CDH23: variants seen among roughly 807,000 people sequenced by gnomAD.
The protein encoded by CDH23 is cadherin-23.
A neutral mutation model predicts 317.1 loss-of-function variants in CDH23; 189 were observed. That is an observed-to-expected ratio of 0.60 (90% confidence interval 0.53 to 0.67). CDH23 has a LOEUF of 0.67. Among genes scored for constraint, CDH23 ranks in the 30% least tolerant of loss-of-function variants. The probability of loss-of-function intolerance (pLI) is 0.00; values close to 1 mark genes in which losing one functional copy is unlikely to be tolerated. For missense variants in CDH23, 4,401 were observed against 4,592.4 expected, an observed-to-expected ratio of 0.96 and a Z score of 1.20; for synonymous variants, 1,839 against 1,876.8, an observed-to-expected ratio of 0.98 and a Z score of 0.52.
intron 19 of CDH23, 101 bp downstream of exon 19, chr10:71,687,820 G>A (rs1864970888): frequency 1.8e-6 from 2 of 1,095,364 alleles, no homozygotes; most frequent in African/African-American, 1.6e-5. Flanking sequence ...CAAATTGTGG[G>A]AGGTCCATGG....
Position 71,712,424 on chromosome 10 carries a change from C to T in CDH23, c.3221-241C>T, listed in dbSNP as rs776670068. On this transcript the variant is annotated intron_variant, in intron 27 of 69. Coordinates refer to ENST00000224721, the MANE Select transcript of CDH23 (RefSeq NM_022124.6). The stretch of plus-strand genomic sequence containing the variant: ...GGGGATGACAGTAAAGTGTCTGCTT[C>T]ATGGGGTTGCTGTGAGGACTGAATG... 1.9e-4 allele frequency: 91 copies of T among 488,616 alleles called. 2 individuals are homozygous for T. The Middle Eastern group carries it at 6.5e-3, about 35-fold the overall frequency. The allele number at this position is 488,616 out of a possible 1,614,324, so 30.3% of individuals were successfully genotyped here. A position where few individuals can be genotyped will look rare whatever the true frequency, so the allele number is the denominator to read the frequency against.
intron 28 of CDH23, chr10:71,716,273 G>T: frequency 6.5e-7 from 1 of 1,536,878 alleles, no homozygotes; most frequent in Non-Finnish European, 8.8e-7. Flanking sequence ...AGTGACGGGA[G>T]CTGAGAGAAA....
chr10:71,790,855 C>A lies in CDH23; in HGVS notation c.6050-277C>A, dbSNP rs1215929906. On this transcript the variant is annotated intron_variant, in intron 46 of 69. Coordinates refer to ENST00000224721, the MANE Select transcript of CDH23 (RefSeq NM_022124.6). ...CACATCTGTCAACAGAGACGGTCAACCCTGTGCCCTGGGTCACTCTTCCCA... is the reference window on the plus strand; with the variant it reads ...CACATCTGTCAACAGAGACGGTCAAACCTGTGCCCTGGGTCACTCTTCCCA... 16 of 540,552 alleles carry A rather than the reference C, an allele frequency of 3.0e-5. No individual in the cohort carries two copies. In the East Asian group the frequency reaches 4.1e-4, roughly 14 times the overall value. 33.5% of individuals were successfully genotyped at this position (540,552 alleles called of 1,614,324 possible).
Position 71,778,384 on chromosome 10 carries a change from G to A in CDH23, c.5187+76G>A, listed in dbSNP as rs528455569. ...TGGGACCCAGAAAGCTCCGATGCGG[G>A]AAGGGGTTAGGGGAAGATTGTCTGA... On this transcript the variant is annotated intron_variant, in intron 40 of 69. Transcript: ENST00000224721. 5.3e-5 allele frequency: 84 copies of A among 1,573,172 alleles called. 1 individual carries two copies. In the South Asian group the frequency reaches 7.2e-4, roughly 14 times the overall value.
chr10:71,636,307 C>G (rs1376472615), intron 11 of CDH23, among the ~76,000 whole-genome samples: 1 of 152,044 alleles, frequency 6.6e-6, no homozygotes, highest in African/African-American at 2.4e-5. Context: ...ATGGCTTGAG[C>G]CCAGGAGTTC....
intron 22 of CDH23, among the ~76,000 whole-genome samples, chr10:71,700,447 A>G (rs529417023): frequency 1.3e-5 from 2 of 152,348 alleles, no homozygotes; most frequent in South Asian, 4.1e-4. Context: ...AACACAAGGA[A>G]TGCTGGTCTT....
chr10:71,724,027 T>A lies in CDH23; in HGVS notation c.3370-18T>A. Reference sequence around the variant, plus strand: ...TGGGTGGCATTCAAGAAGTAACTCGTGTCTCATTCTTCCTCAGCTGAAAGC... The same window carrying A: ...TGGGTGGCATTCAAGAAGTAACTCGAGTCTCATTCTTCCTCAGCTGAAAGC... On this transcript the variant is annotated intron_variant, in intron 28 of 69. Coordinates refer to ENST00000224721, the MANE Select transcript of CDH23 (RefSeq NM_022124.6). The A allele has an allele frequency of 6.4e-7, 1 of 1,554,536 alleles. No homozygotes were observed. Among genetic ancestry groups the A allele is most frequent in the Middle Eastern group, 1.7e-4 (1 of 5,996 alleles).
intron 9 of CDH23, among the ~76,000 whole-genome samples, chr10:71,593,779 A>G (rs973601725): frequency 1.3e-5 from 2 of 152,168 alleles, no homozygotes; most frequent in African/African-American, 4.8e-5. Flanking sequence ...CAGGAGCCAA[A>G]TCCTCCCTGT....
intron 18 of CDH23, among the ~76,000 whole-genome samples, chr10:71,686,455 G>T (rs1236834): frequency 0.48 from 73,588 of 151,760 alleles, 18,659 homozygotes; most frequent in South Asian, 0.63. Flanking sequence ...GATCACTCCT[G>T]TCTGGGCACC....
chr10:71,457,559 A>G (rs113817380), intron 3 of CDH23, among the ~76,000 whole-genome samples: 1,984 of 152,278 alleles, frequency 0.013, 43 homozygotes, highest in African/African-American at 0.045. Flanking sequence ...CCAAGGGTCC[A>G]CATGGGGCAG....
intron 9 of CDH23, among the ~76,000 whole-genome samples, chr10:71,600,683 AT>A (rs1297916965): frequency 6.6e-6 from 1 of 151,762 alleles, no homozygotes; most frequent in Non-Finnish European, 1.5e-5. Flanking sequence ...CGCCCAGCTA[AT>A]TTTTTGTATT....
Position 71,813,989 on chromosome 10 carries a change from C to A in CDH23, c.9738+641C>A, listed in dbSNP as rs184039848. 1.3e-3 allele frequency among the ~76,000 whole-genome samples: 199 copies of A among 152,320 alleles called. 1 individual carries two copies. Among genetic ancestry groups the A allele is most frequent in the African/African-American group, 4.5e-3 (187 of 41,570 alleles). On this transcript the variant is annotated intron_variant, in intron 69 of 69. Coordinates refer to ENST00000224721, the MANE Select transcript of CDH23 (RefSeq NM_022124.6). ...CCTGTAATGATTATGTCAACACTTA[C>A]AAAAGTCAGGCTTTACCTAAAAACG...
At chr10:71,436,041 T>C (rs1348095858) in intron 1 of CDH23, among the ~76,000 whole-genome samples, 2 of 152,252 alleles carry the variant, frequency 1.3e-5, no homozygotes, top group Non-Finnish European at 2.9e-5. Flanking sequence ...GTGGAGCCCT[T>C]CAGGCCCAGC....
chr10:71,761,184 A>C (rs1440868643), intron 38 of CDH23, among the ~76,000 whole-genome samples: 1 of 151,972 alleles, frequency 6.6e-6, no homozygotes, highest in African/African-American at 2.4e-5. Context: ...GGGCCCTTGC[A>C]CTCTCACCTG....
At chr10:71,811,827 C>A in intron 65 of CDH23, 74 bp downstream of exon 65, 1 of 1,573,388 alleles carries the variant, frequency 6.4e-7, no homozygotes, top group Non-Finnish European at 8.6e-7. Context: ...ACCGGAGCCA[C>A]AAGCCTGGCT....
chr10:71,814,667 T>G (rs1842060740), intron 69 of CDH23, among the ~76,000 whole-genome samples: 1 of 123,416 alleles, frequency 8.1e-6, no homozygotes, highest in African/African-American at 3.3e-5. Flanking sequence ...CACACAATTT[T>G]CACAAGAAGC....
At chr10:71,813,989 C>G (rs184039848) in intron 69 of CDH23, among the ~76,000 whole-genome samples, 1 of 152,204 alleles carries the variant, frequency 6.6e-6, no homozygotes, top group African/African-American at 2.4e-5. Context: ...TCAACACTTA[C>G]AAAAGTCAGG....
intron 11 of CDH23, among the ~76,000 whole-genome samples, chr10:71,623,640 T>C (rs992996047): frequency 2.0e-5 from 3 of 152,240 alleles, no homozygotes; most frequent in Non-Finnish European, 4.4e-5. Context: ...CCCACTCCCG[T>C]GACCATGCAT....
At chr10:71,534,151 G>C (rs1855570718) in intron 6 of CDH23, among the ~76,000 whole-genome samples, 1 of 152,078 alleles carries the variant, frequency 6.6e-6, no homozygotes, top group Non-Finnish European at 1.5e-5. Context: ...ATTGTCCCCA[G>C]ATCCCACTGG....
Sources: allele counts gnomAD v4.1 joint callset (sites outside exome capture counted in the v4.1 genomes callset), GRCh38; gene constraint gnomAD v4.1.1; transcripts MANE v1.5; gene names NCBI Gene and HGNC (gene_info 2026-07-23, HGNC 2026-07-21).